Variants in P3H4 observed in about 807,000 individuals in gnomAD.
P3H4 encodes the protein prolyl 3-hydroxylase family member 4 (inactive).
P3H4 carries 47 observed loss-of-function variants against 52.9 expected under a neutral mutation model. The ratio of observed to expected loss-of-function variants is 0.89; its 90% CI spans 0.70 to 1.13. P3H4 has a LOEUF of 1.13. P3H4 is among the 50% of genes most tolerant of loss of function. The pLI is 0.00. For synonymous variants in P3H4, 256 were observed against 267.9 expected, an observed-to-expected ratio of 0.96 and a Z score of 0.44; for missense variants, 585 against 611.0, an observed-to-expected ratio of 0.96 and a Z score of 0.45.
chr17:41,806,016 C>T (rs1292126415), intron 6 of P3H4, among the ~76,000 whole-genome samples: 3 of 151,888 alleles, frequency 2.0e-5, no homozygotes, highest in East Asian at 1.9e-4. Context: ...GTCACGAGGT[C>T]GAGACCAGCC....
chr17:41,809,858 G>C (rs2047711196), intron 3 of P3H4, 24 bp from the exon 4 acceptor site: 2 of 1,604,656 alleles, frequency 1.2e-6, no homozygotes, highest in African/African-American at 1.3e-5. Flanking sequence ...GCAGCAGTGA[G>C]AGGCTGGCAT....
intron 4 of P3H4, among the ~76,000 whole-genome samples, 169 bp downstream of exon 4, chr17:41,809,537 A>G (rs1361275723): frequency 6.6e-6 from 1 of 152,098 alleles, no homozygotes; most frequent in Non-Finnish European, 1.5e-5. Context: ...CACCTGCCCC[A>G]GACTCCCAGG....
rs568926874 is a variant in P3H4 at position 41,810,945 on chromosome 17, C to T, written c.705G>A (p.Leu235=). ...EDMERALSEY[L]AVFARCLAGC... ...CGGCCAGGCACCGGGCAAAGACTGCCAGGTACTCTGACAAGGCCCGCTCCA... is the reference window on the plus strand; with the variant it reads ...CGGCCAGGCACCGGGCAAAGACTGCTAGGTACTCTGACAAGGCCCGCTCCA... Residue 235 remains leucine (L), a synonymous_variant, in exon 3 of 8, where the codon CTG becomes CTA. Coordinates refer to ENST00000393928, the MANE Select transcript of P3H4 (RefSeq NM_006455.3). 1 of 1,614,212 alleles carries T rather than the reference C, an allele frequency of 6.2e-7. No homozygotes were observed. Among genetic ancestry groups the T allele is most frequent in the East Asian group, 2.2e-5 (1 of 44,884 alleles).
intron 6 of P3H4, among the ~76,000 whole-genome samples, chr17:41,805,305 A>AC (rs59381357): frequency 0.53 from 79,944 of 150,890 alleles, 21,551 homozygotes; most frequent in Middle Eastern, 0.66. Flanking sequence ...AAACAAACAA[A>AC]AAAACATACT....
chr17:41,804,373 C>T (rs1042843894), intron 6 of P3H4, among the ~76,000 whole-genome samples: 2 of 152,232 alleles, frequency 1.3e-5, no homozygotes, highest in Non-Finnish European at 1.5e-5. Context: ...CACCTGTAAT[C>T]CCAGCACTTT....
chr17:41,811,788 G>C lies in P3H4; in HGVS notation c.128C>G (p.Ala43Gly). The C allele has an allele frequency of 6.5e-7, 1 of 1,537,172 alleles. No homozygotes were observed. Among genetic ancestry groups the C allele is most frequent in the Non-Finnish European group, 8.7e-7 (1 of 1,153,556 alleles). Residue 43 changes from alanine (A) to glycine (G), a missense_variant, in exon 1 of 8, where the codon GCT becomes GGT. Ala to Gly is a moderately conservative substitution (Grantham distance 60, BLOSUM62 0). Coordinates refer to ENST00000393928, the MANE Select transcript of P3H4 (RefSeq NM_006455.3). This position sits in a 1 kb window ranked among gnomAD's most constrained non-coding sequence, Gnocchi z 4.8. ...GCTCTCTCCCTCGTACTGCTCCAGAGCGTGCCCGTACGCCGCGGCCAGCGG... is the reference window on the plus strand; with the variant it reads ...GCTCTCTCCCTCGTACTGCTCCAGACCGTGCCCGTACGCCGCGGCCAGCGG... ...LMPLAAAYGH[A>G]LEQYEGESWR... is the part of the protein sequence containing the mutation.
chr17:41,802,853 A>G lies in P3H4; in HGVS notation c.*104T>C. 6.4e-6 allele frequency: 8 copies of G among 1,249,826 alleles called. No individual in the cohort carries two copies. Among genetic ancestry groups the G allele is most frequent in the Middle Eastern group, 1.9e-4 (1 of 5,328 alleles). 77.4% of individuals were successfully genotyped at this position (1,249,826 alleles called of 1,614,324 possible). A position where few individuals can be genotyped will look rare whatever the true frequency, so the allele number is the denominator to read the frequency against. Reference sequence around the variant, plus strand: ...AGGTGTGAGCCACCGCACCTGGCCCATCTTAAGTTTTTAATAAATAGTTCT... The same window carrying G: ...AGGTGTGAGCCACCGCACCTGGCCCGTCTTAAGTTTTTAATAAATAGTTCT... On this transcript the variant is annotated 3_prime_UTR_variant, in exon 8 of 8. Transcript: ENST00000393928.
rs782597825 is a variant in P3H4, at chr17:41,811,466, G to T, written c.450C>A (p.Tyr150Ter). The T allele has an allele frequency of 1.2e-6, 2 of 1,612,316 alleles. No individual in the cohort carries two copies. The highest frequency in any genetic ancestry group is 2.7e-5 in the African/African-American group (2 of 75,044). ...QSRLPYQYLH[Y>*]ALFKANRLEK... ...GGCGGGCTCCCACCTTGAACAGCGC[G>T]TAGTGCAGGTACTGGTAGGGCAGGC... is the stretch of plus-strand genomic sequence containing the variant. Residue 150 changes from tyrosine (Y) to a stop codon, truncating the protein, a stop_gained, in exon 1 of 8, where the codon TAC (tyrosine) becomes TAA (stop). Transcript: ENST00000393928. LOFTEE classifies it high-confidence loss of function. The surrounding 1 kb of genome is among the most constrained non-coding windows in gnomAD (Gnocchi z 4.8).
chr17:41,802,700 TG>T lies in P3H4; in HGVS notation c.*256del. The T allele has an allele frequency of 2.5e-6, 1 of 407,488 alleles. No individual in the cohort carries two copies. The highest frequency in any genetic ancestry group is 3.0e-5 in the South Asian group (1 of 33,310). The allele number at this position is 407,488 out of a possible 1,614,324, so 25.2% of individuals were successfully genotyped here. A position where few individuals can be genotyped will look rare whatever the true frequency, so the allele number is the denominator to read the frequency against. ...TTGAGTAGCTGGGATTTCAGGCGCCTGCCACCACACCCGGCTAATTTATGTA... is the reference window on the plus strand; with the variant it reads ...TTGAGTAGCTGGGATTTCAGGCGCCTCCACCACACCCGGCTAATTTATGTA... On this transcript the variant is annotated 3_prime_UTR_variant, in exon 8 of 8. Coordinates refer to ENST00000393928, the MANE Select transcript of P3H4 (RefSeq NM_006455.3).
chr17:41,804,079 G>A (rs1332496418), intron 6 of P3H4, among the ~76,000 whole-genome samples: 2 of 151,568 alleles, frequency 1.3e-5, no homozygotes, highest in Non-Finnish European at 2.9e-5. Context: ...AGCCTCCCCA[G>A]CAGCTGGGAA....
chr17:41,803,171 G>A, intron 7 of P3H4, 116 bp downstream of exon 7: 1 of 1,480,598 alleles, frequency 6.8e-7, no homozygotes, highest in Non-Finnish European at 9.1e-7. Context: ...GCCCCTGGAG[G>A]ATGGGCCCCA....
chr17:41,808,213 ATT>A, intron 4 of P3H4, among the ~76,000 whole-genome samples: 1 of 151,964 alleles, frequency 6.6e-6, no homozygotes, highest in South Asian at 2.1e-4. Flanking sequence ...CCTCACTGTT[ATT>A]GTCTTTTTAT....
chr17:41,811,168 G>C lies in P3H4; in HGVS notation c.579C>G (p.Asp193Glu). The C allele has an allele frequency of 6.2e-7, 1 of 1,614,188 alleles. No individual in the cohort carries two copies. The highest frequency in any genetic ancestry group is 8.5e-7 in the Non-Finnish European group (1 of 1,180,040). ...NYYQGMLDVA[D>E]ESLTDLEAQP... is the part of the protein sequence containing the mutation. ...GGGCCTCTAGGTCCGTGAGGGACTCGTCGGCGACGTCCAGCATCCCCTGAT... is the reference window on the plus strand; with the variant it reads ...GGGCCTCTAGGTCCGTGAGGGACTCCTCGGCGACGTCCAGCATCCCCTGAT... The change falls in exon 2 of 8, where the codon GAC becomes GAG. Residue 193 changes from aspartate to glutamate, a missense_variant. Coordinates refer to ENST00000393928, the MANE Select transcript of P3H4 (RefSeq NM_006455.3). This position sits in a 1 kb window ranked among gnomAD's most constrained non-coding sequence, Gnocchi z 4.8.
At chr17:41,805,320 C>T (rs2047663158) in intron 6 of P3H4, among the ~76,000 whole-genome samples, 2 of 44,250 alleles carry the variant, frequency 4.5e-5, no homozygotes, top group Admixed American at 4.6e-4. Flanking sequence ...CATACTTGAT[C>T]TCACTTAATT....
At chr17:41,805,091 C>T (rs532269918) in intron 6 of P3H4, among the ~76,000 whole-genome samples, 11 of 151,830 alleles carry the variant, frequency 7.2e-5, no homozygotes, top group Non-Finnish European at 1.0e-4. Flanking sequence ...CGAGACCATA[C>T]GGGGTAACAT....
intron 6 of P3H4, 36 bp from the exon 7 acceptor site, chr17:41,803,467 C>A: frequency 1.2e-6 from 2 of 1,606,514 alleles, no homozygotes; most frequent in Non-Finnish European, 1.7e-6. Flanking sequence ...GAAACCGGGT[C>A]ACAGTACGCC....
Position 41,802,896 on chromosome 17 carries a change from G to C in P3H4, c.*61C>G, listed in dbSNP as rs2047632407. 2 of 1,550,694 alleles carry C rather than the reference G, an allele frequency of 1.3e-6. No homozygotes were observed. The highest frequency in any genetic ancestry group is 8.9e-7 in the Non-Finnish European group (1 of 1,126,298). ...ATAGTTCTTGCTGCTGCCCAGGCTG[G>C]TGAGGGTGGGGCCATCGGCACCAGG... On this transcript the variant is annotated 3_prime_UTR_variant, in exon 8 of 8. Transcript: ENST00000393928.
At position 41,801,985 on chromosome 17, in the gene P3H4, C is replaced by T. The variant is rs1027629090; in HGVS notation, c.*972G>A. ...ACAACAAACATTTATTGAGCACCTA[C>T]TGGTCAGGGCCCTGGAACCACTAGA... On this transcript the variant is annotated 3_prime_UTR_variant, in exon 8 of 8. Transcript: ENST00000393928. The T allele has an allele frequency of 2.6e-5, 4 of 152,534 alleles. No individual in the cohort carries two copies. The highest frequency in any genetic ancestry group is 5.9e-5 in the Non-Finnish European group (4 of 68,080). The allele number at this position is 152,534 out of a possible 1,614,324, so 9.4% of individuals were successfully genotyped here. A position where few individuals can be genotyped will look rare whatever the true frequency, so the allele number is the denominator to read the frequency against.
At chr17:41,807,252 A>C (rs1046241864) in intron 5 of P3H4, 8 of 296,444 alleles carry the variant, frequency 2.7e-5, no homozygotes, top group African/African-American at 1.7e-4. Context: ...GAAGGTAGGG[A>C]GGGGAGCAGG....
Sources: gnomAD v4.1 joint callset for allele counts (sites outside exome capture counted in the v4.1 genomes callset) on GRCh38, gnomAD v4.1.1 for gene constraint, Gnocchi (gnomAD v3.1) non-coding constraint, MANE v1.5 for transcripts, NCBI Gene and HGNC (gene_info 2026-07-23, HGNC 2026-07-21) for gene names.